Variants in PDCD7 observed in about 807,000 individuals in gnomAD.
PDCD7 encodes programmed cell death 7.
Under a neutral mutation model 42.1 loss-of-function variants are expected in PDCD7, and 40 were observed. The ratio of observed to expected loss-of-function variants is 0.95; its 90% CI spans 0.74 to 1.24. The LOEUF (loss-of-function observed/expected upper bound fraction) is 1.24, where lower values mean the gene tolerates loss of function less well. Ranked by LOEUF, PDCD7 falls within the 50% of genes most tolerant of loss-of-function variation. The probability of loss-of-function intolerance (pLI) is 0.00; values close to 1 mark genes in which losing one functional copy is unlikely to be tolerated. For synonymous variants in PDCD7, 299 were observed against 303.3 expected, an observed-to-expected ratio of 0.99 and a Z score of 0.15; for missense variants, 644 against 662.8, an observed-to-expected ratio of 0.97 and a Z score of 0.31.
In PDCD7 at chr15:65,118,635, G is replaced by T; in HGVS notation, c.*82C>A. ...CATGGAATTTAGAAGTTGCAGTTTA[G>T]TCTACAGCAAAAGATGGCACCATCG... On this transcript the variant is annotated 3_prime_UTR_variant, in exon 5 of 5. Transcript: ENST00000204549. The T allele has an allele frequency of 1.4e-6, 2 of 1,400,978 alleles. No individual in the cohort carries two copies. The highest frequency in any genetic ancestry group is 9.6e-7 in the Non-Finnish European group (1 of 1,044,978). 86.8% of individuals were successfully genotyped at this position (1,400,978 alleles called of 1,614,324 possible).
At chr15:65,122,089 C>A (rs1200975525) in intron 2 of PDCD7, among the ~76,000 whole-genome samples, 1 of 152,190 alleles carries the variant, frequency 6.6e-6, no homozygotes, top group Admixed American at 6.5e-5. Context: ...AAACCTAGCA[C>A]TTTGGGAGAC....
At position 65,119,987 on chromosome 15, in the gene PDCD7, A is replaced by T. The variant is rs779180796; in HGVS notation, c.1010-33T>A. On this transcript the variant is annotated intron_variant, in intron 2 of 4. Transcript: ENST00000204549. Reference sequence around the variant, plus strand: ...GACAGGACAAAATGGCATTTTATTTATTTTTTTTTTTGAGACAAGGCCTCG... The same window carrying T: ...GACAGGACAAAATGGCATTTTATTTTTTTTTTTTTTTGAGACAAGGCCTCG... The T allele has an allele frequency of 2.8e-4, 351 of 1,252,404 alleles. 2 individuals are homozygous for T. The South Asian group carries it at 2.9e-3, about 11-fold the overall frequency. 77.6% of individuals were successfully genotyped at this position (1,252,404 alleles called of 1,614,324 possible). A position where few individuals can be genotyped will look rare whatever the true frequency, so the allele number is the denominator to read the frequency against.
intron 2 of PDCD7, among the ~76,000 whole-genome samples, chr15:65,120,925 T>C (rs2087448728): frequency 6.6e-6 from 1 of 152,184 alleles, no homozygotes; most frequent in African/African-American, 2.4e-5. Context: ...GGTTAAAATT[T>C]AGAAATTTTA....
Position 65,132,966 on chromosome 15 carries a change from C to T in PDCD7, c.816G>A (p.Gln272=), listed in dbSNP as rs1448766808. ...ACTTCACCCTCCAGCGGTCAATCTC[C>T]TGCTCGCGTTCCACTGCCCGCGCGG... ...AEAARAVERE[Q]EIDRWRVKCV... Residue 272 remains glutamine (Q), a synonymous_variant, in exon 1 of 5, where the codon CAG becomes CAA. Coordinates refer to ENST00000204549, the MANE Select transcript of PDCD7 (RefSeq NM_005707.2). 1 of 1,606,416 alleles carries T rather than the reference C, an allele frequency of 6.2e-7. No homozygotes were observed.
In PDCD7 at chr15:65,117,500, C is replaced by A. The variant is rs895908254; in HGVS notation, c.*1217G>T. On this transcript the variant is annotated 3_prime_UTR_variant, in exon 5 of 5. Transcript: ENST00000204549. The stretch of plus-strand genomic sequence containing the variant: ...TATGAGTGATCATCTCCAAGCACAA[C>A]AGCATTTATTAATGAATATAAAAAA... The A allele has an allele frequency of 6.6e-6, 1 of 151,764 alleles. No homozygotes were observed. Among genetic ancestry groups the A allele is most frequent in the Non-Finnish European group, 1.5e-5 (1 of 67,964 alleles). The allele number at this position is 151,764 out of a possible 1,614,324, so 9.4% of individuals were successfully genotyped here. A position where few individuals can be genotyped will look rare whatever the true frequency, so the allele number is the denominator to read the frequency against.
chr15:65,133,468 T>C lies in PDCD7; in HGVS notation c.314A>G (p.Glu105Gly), dbSNP rs1010902389. 2.5e-6 allele frequency: 3 copies of C among 1,213,982 alleles called. No homozygotes were observed. Among genetic ancestry groups the C allele is most frequent in the African/African-American group, 3.2e-5 (2 of 63,442 alleles). 75.2% of individuals were successfully genotyped at this position (1,213,982 alleles called of 1,614,324 possible). A position where few individuals can be genotyped will look rare whatever the true frequency, so the allele number is the denominator to read the frequency against. The change falls in exon 1 of 5, where the codon GAG becomes GGG. Residue 105 changes from glutamate (E) to glycine (G), a missense_variant. Physicochemically the swap from Glu to Gly is moderately conservative, Grantham distance 98. Coordinates refer to ENST00000204549, the MANE Select transcript of PDCD7 (RefSeq NM_005707.2). ...CRPFPGTDAG[E>G]RPRPPPPGPG... The stretch of plus-strand genomic sequence containing the variant: ...GCCGGGAGGCGGTGGCCGCGGCCGC[T>C]CGCCGGCGTCGGTCCCCGGGAAGGG...
intron 2 of PDCD7, among the ~76,000 whole-genome samples, chr15:65,121,053 CTTTTTTTTTTTT>C (rs767625477): frequency 1.5e-5 from 2 of 130,158 alleles, no homozygotes; most frequent in Non-Finnish European, 1.7e-5. Flanking sequence ...GACTTTCTTT[CTTTTTTTTTTTT>C]TTTTTTTGAG....
chr15:65,127,867 G>A (rs1328809343), intron 2 of PDCD7, among the ~76,000 whole-genome samples: 1 of 152,204 alleles, frequency 6.6e-6, no homozygotes, highest in Non-Finnish European at 1.5e-5. Flanking sequence ...ATATTAAATA[G>A]CTCTCAGGTT....
intron 2 of PDCD7, among the ~76,000 whole-genome samples, chr15:65,128,282 G>C (rs2087512104): frequency 6.6e-6 from 1 of 152,212 alleles, no homozygotes; most frequent in Admixed American, 6.5e-5. Flanking sequence ...GGTTACCTCA[G>C]CCCAGATCAG....
rs942512173 is a variant in PDCD7, at chr15:65,133,584, G to A, written c.198C>T (p.Ala66=). Residue 66 remains alanine, a synonymous_variant, in exon 1 of 5, where the codon GCC becomes GCT. Coordinates refer to ENST00000204549, the MANE Select transcript of PDCD7 (RefSeq NM_005707.2). ...LQPPLALQPR[A]SAEASRGGGG... ...CTCCGCCGCGGGAGGCCTCCGCGGA[G>A]GCTCGGGGCTGCAGAGCCAGCGGAG... is the stretch of plus-strand genomic sequence containing the variant. 1.4e-5 allele frequency: 17 copies of A among 1,232,386 alleles called. No individual in the cohort carries two copies. The African/African-American group carries it at 1.4e-4, about 10-fold the overall frequency. 76.3% of individuals were successfully genotyped at this position (1,232,386 alleles called of 1,614,324 possible).
chr15:65,118,764 G>C lies in PDCD7; in HGVS notation c.1411C>G (p.Pro471Ala). 2 of 1,610,428 alleles carry C rather than the reference G, an allele frequency of 1.2e-6. No individual in the cohort carries two copies. Among genetic ancestry groups the C allele is most frequent in the Non-Finnish European group, 1.7e-6 (2 of 1,178,570 alleles). Residue 471 changes from proline (P) to alanine (A), a missense_variant, in exon 5 of 5, where the codon CCG becomes GCG. Physicochemically the swap from Pro to Ala is conservative, Grantham distance 27. Coordinates refer to ENST00000204549, the MANE Select transcript of PDCD7 (RefSeq NM_005707.2). Reference protein sequence around the residue: ...NFVPQGWVLPPLPSNDIWATA... With the variant: ...NFVPQGWVLPALPSNDIWATA... ...GCCCAGATGTCGTTGCTGGGGAGCG[G>C]GGGAAGGACCCATCCTTGGGGAACG...
In PDCD7 at chr15:65,117,986, C is replaced by T. The variant is rs1303319289; in HGVS notation, c.*731G>A. The T allele has an allele frequency of 6.6e-6, 1 of 152,200 alleles. No homozygotes were observed. Among genetic ancestry groups the T allele is most frequent in the Non-Finnish European group, 1.5e-5 (1 of 68,048 alleles). The allele number at this position is 152,200 out of a possible 1,614,324, so 9.4% of individuals were successfully genotyped here. A position where few individuals can be genotyped will look rare whatever the true frequency, so the allele number is the denominator to read the frequency against. Reference sequence around the variant, plus strand: ...AAATATCCTTGGGGATTCTGAACAACTAGACCCTTAGAAACTTAAAAATAA... The same window carrying T: ...AAATATCCTTGGGGATTCTGAACAATTAGACCCTTAGAAACTTAAAAATAA... On this transcript the variant is annotated 3_prime_UTR_variant, in exon 5 of 5. Transcript: ENST00000204549.
chr15:65,133,011 C>A lies in PDCD7; in HGVS notation c.771G>T (p.Glu257Asp). The A allele has an allele frequency of 6.2e-7, 1 of 1,602,376 alleles. No individual in the cohort carries two copies. Among genetic ancestry groups the A allele is most frequent in the Non-Finnish European group, 8.5e-7 (1 of 1,179,128 alleles). The change falls in exon 1 of 5, where the codon GAG (glutamate) becomes GAT (aspartate). Residue 257 changes from glutamate to aspartate, a missense_variant. Physicochemically the swap from Glu to Asp is conservative, Grantham distance 45. Coordinates refer to ENST00000204549, the MANE Select transcript of PDCD7 (RefSeq NM_005707.2). ...LRLRERARER[E>D]AEREAEAARA... ...GCGCGGCCTCTGCCTCCCGCTCGGC[C>A]TCGCGTTCCCGGGCCCTCTCGCGAA... is the stretch of plus-strand genomic sequence containing the variant.
chr15:65,131,486 C>T (rs1159765548), intron 1 of PDCD7, among the ~76,000 whole-genome samples: 2 of 152,118 alleles, frequency 1.3e-5, no homozygotes, highest in East Asian at 1.9e-4. Context: ...CAGTGGCTCA[C>T]GCCTGTAATC....
chr15:65,132,287 A>T (rs1168192782), intron 1 of PDCD7, among the ~76,000 whole-genome samples: 3 of 139,942 alleles, frequency 2.1e-5, no homozygotes, highest in African/African-American at 5.2e-5. Context: ...CAAGTTCTCT[A>T]TTTTTTTTTT....
At chr15:65,128,736 G>A (rs1402454687) in intron 2 of PDCD7, among the ~76,000 whole-genome samples, 2 of 152,230 alleles carry the variant, frequency 1.3e-5, no homozygotes, top group African/African-American at 4.8e-5. Flanking sequence ...GCCATGACAA[G>A]CCCACTCAGA....
Position 65,119,851 on chromosome 15 carries a change from T to C in PDCD7, c.1113A>G (p.Arg371=). 1 of 1,614,176 alleles carries C rather than the reference T, an allele frequency of 6.2e-7. No homozygotes were observed. The highest frequency in any genetic ancestry group is 1.1e-5 in the South Asian group (1 of 91,072). ...KRSELYEAEE[R]ALRVMLEGEQ... ...CTCCTTCTAGCATAACTCTGAGGGCTCTCTCTTCAGCTTCATACAGTTCAG... is the reference window on the plus strand; with the variant it reads ...CTCCTTCTAGCATAACTCTGAGGGCCCTCTCTTCAGCTTCATACAGTTCAG... Residue 371 remains arginine (R), a synonymous_variant, in exon 3 of 5, where the codon AGA becomes AGG. Coordinates refer to ENST00000204549, the MANE Select transcript of PDCD7 (RefSeq NM_005707.2).
At chr15:65,130,230 T>C (rs2087528986) in intron 1 of PDCD7, among the ~76,000 whole-genome samples, 1 of 148,190 alleles carries the variant, frequency 6.7e-6, no homozygotes, top group African/African-American at 2.5e-5. Context: ...CGATCTCGGC[T>C]TACTGCAACC....
Position 65,133,558 on chromosome 15 carries a change from C to G in PDCD7, c.224G>C (p.Gly75Ala). The G allele has an allele frequency of 8.1e-7, 1 of 1,229,978 alleles. No individual in the cohort carries two copies. Among genetic ancestry groups the G allele is most frequent in the Non-Finnish European group, 1.0e-6 (1 of 986,736 alleles). The allele number at this position is 1,229,978 out of a possible 1,614,324, so 76.2% of individuals were successfully genotyped here. A position where few individuals can be genotyped will look rare whatever the true frequency, so the allele number is the denominator to read the frequency against. ...CACCGGGTAGAAGGCGCCAGCGCCG[C>G]CTCCGCCGCGGGAGGCCTCCGCGGA... ...RASAEASRGG[G>A]GAGAFYPVPP... The change falls in exon 1 of 5, where the codon GGC (glycine) becomes GCC (alanine). Residue 75 changes from glycine (G) to alanine (A), a missense_variant. Physicochemically the swap from Gly to Ala is moderately conservative, Grantham distance 60 (BLOSUM62 0). Transcript: ENST00000204549.
Sources: allele counts gnomAD v4.1 joint callset (sites outside exome capture counted in the v4.1 genomes callset), GRCh38; gene constraint gnomAD v4.1.1; transcripts MANE v1.5; gene names NCBI Gene and HGNC (gene_info 2026-07-23, HGNC 2026-07-21).